Variants in IDO2 observed in about 807,000 individuals in gnomAD.
The protein encoded by IDO2 is indoleamine 2,3-dioxygenase-like 1 protein.
In IDO2, 46 loss-of-function variants were observed where a neutral mutation model predicts 45.1. That is an observed-to-expected ratio of 1.02 (90% CI 0.80 to 1.30). The LOEUF (loss-of-function observed/expected upper bound fraction) is 1.30. Ranked by LOEUF, IDO2 falls within the 50% of genes most tolerant of loss-of-function variation. IDO2 has a pLI of 0.00. For missense variants in IDO2, 544 were observed against 491.8 expected (o/e 1.11, Z -1.00); for synonymous variants, 218 against 184.9 (o/e 1.18, Z -1.45).
intron 7 of IDO2, among the ~76,000 whole-genome samples, chr8:39,988,522 C>T (rs1326428337): frequency 2.6e-5 from 4 of 152,188 alleles, no homozygotes; most frequent in African/African-American, 9.7e-5. Context: ...ATCTCCACCT[C>T]CCAGGTTCAA....
exon 9 of IDO2, chr8:40,005,364 G>T (rs1802205223): frequency 1.3e-6 from 2 of 1,570,474 alleles, no homozygotes; most frequent in African/African-American, 1.3e-5. Flanking sequence ...CAGGCATCCG[G>T]ATCTTTCTCT....
intron 1 of IDO2, among the ~76,000 whole-genome samples, chr8:39,944,578 T>C (rs1336092801): frequency 2.6e-5 from 4 of 152,198 alleles, no homozygotes; most frequent in Non-Finnish European, 5.9e-5. Context: ...GGTAAGATAC[T>C]GTGGCAAGCT....
intron 3 of IDO2, among the ~76,000 whole-genome samples, chr8:39,966,026 C>CTTTTTTT (rs59731560): frequency 5.1e-4 from 49 of 96,540 alleles, no homozygotes; most frequent in African/African-American, 1.3e-3. Context: ...TCTATCGCTT[C>CTTTTTTT]TTTTTTTTTT....
chr8:39,944,887 G>A (rs1181462941), intron 1 of IDO2, among the ~76,000 whole-genome samples: 2 of 152,136 alleles, frequency 1.3e-5, no homozygotes, highest in Non-Finnish European at 1.5e-5. Flanking sequence ...TGAAAGTGTG[G>A]CGTTTTTCCA....
At chr8:39,942,427 A>T (rs7828760) in intron 1 of IDO2, among the ~76,000 whole-genome samples, 63,145 of 151,958 alleles carry the variant, frequency 0.42, 13,304 homozygotes, top group East Asian at 0.59. Context: ...GCAGATCACC[A>T]GAGGTCAGGA....
intron 9 of IDO2, among the ~76,000 whole-genome samples, chr8:40,009,059 G>T (rs889521177): frequency 3.9e-5 from 6 of 152,006 alleles, no homozygotes; most frequent in African/African-American, 1.4e-4. Flanking sequence ...TTGTCGCCCA[G>T]GCTGGAGCGC....
chr8:39,956,353 C>A (rs1287161696), intron 2 of IDO2, among the ~76,000 whole-genome samples: 3 of 152,178 alleles, frequency 2.0e-5, no homozygotes, highest in Non-Finnish European at 4.4e-5. Flanking sequence ...TGAGCCACCA[C>A]ACGCAGCCAA....
intron 1 of IDO2, among the ~76,000 whole-genome samples, chr8:39,942,412 G>A (rs1164357650): frequency 6.6e-6 from 1 of 152,176 alleles, no homozygotes; most frequent in African/African-American, 2.4e-5. Context: ...GGGAGGTTGA[G>A]GCAGGCAGAT....
chr8:39,955,073 TAC>T (rs1304772005), intron 2 of IDO2, among the ~76,000 whole-genome samples: 1 of 151,048 alleles, frequency 6.6e-6, no homozygotes, highest in Non-Finnish European at 1.5e-5. Context: ...TATCTCCAAA[TAC>T]AGTTATATTT....
At position 39,994,400 on chromosome 8, in the gene IDO2, G is replaced by A. The variant is rs1025029346; in HGVS notation, c.667+4562G>A. 1.3e-4 allele frequency among the ~76,000 whole-genome samples: 20 copies of A among 152,072 alleles called. No homozygotes were observed. In the East Asian group the frequency reaches 3.7e-3, roughly 28 times the overall value. On this transcript the variant is annotated intron_variant, in intron 8 of 10. Coordinates refer to ENST00000502986, the Ensembl canonical transcript of IDO2. ...AGCCTCCCTAGTAGCTGGGATTATA[G>A]GCGTGTGCCACCACACCCGGCTGAT... is the stretch of plus-strand genomic sequence containing the variant.
At chr8:39,989,897 G>C (rs1025734036) in intron 8 of IDO2, 59 bp downstream of exon 8, 1 of 1,158,616 alleles carries the variant, frequency 8.6e-7, no homozygotes, top group Non-Finnish European at 1.2e-6. Flanking sequence ...CTGCTTAGGG[G>C]AAGAGGGCCT....
chr8:40,013,362 G>A (rs965407078), intron 9 of IDO2, among the ~76,000 whole-genome samples: 2 of 152,066 alleles, frequency 1.3e-5, no homozygotes, highest in African/African-American at 2.4e-5. Context: ...AGGAAGAAAA[G>A]GGCTGTGATT....
Position 39,985,390 on chromosome 8 carries a change from GTGTGCATGCCT to G in IDO2, c.435-117_435-107del. Reference sequence around the variant, plus strand: ...TGTGCCTGCAGTGCCTTGCACACAAGTGTGCATGCCTGTGGACATGTGACCCTAGAAGTTAT... The same window carrying G: ...TGTGCCTGCAGTGCCTTGCACACAAGGTGGACATGTGACCCTAGAAGTTAT... On this transcript the variant is annotated intron_variant, in intron 5 of 10. Coordinates refer to ENST00000502986, the Ensembl canonical transcript of IDO2. The G allele has an allele frequency of 1.4e-5, 12 of 844,694 alleles. 1 individual carries two copies. The South Asian group carries it at 1.9e-4, about 14-fold the overall frequency. 52.3% of individuals were successfully genotyped at this position (844,694 alleles called of 1,614,324 possible). A position where few individuals can be genotyped will look rare whatever the true frequency, so the allele number is the denominator to read the frequency against.
chr8:39,993,434 G>A (rs1376423659), intron 8 of IDO2, among the ~76,000 whole-genome samples: 2 of 152,146 alleles, frequency 1.3e-5, no homozygotes, highest in African/African-American at 4.8e-5. Flanking sequence ...TCTTTTAGCA[G>A]TAATGAGGAG....
intron 3 of IDO2, among the ~76,000 whole-genome samples, chr8:39,974,518 C>T (rs1317213061): frequency 6.6e-6 from 1 of 152,212 alleles, no homozygotes; most frequent in Non-Finnish European, 1.5e-5. Flanking sequence ...CACGGTGGCT[C>T]ACGCCTGTAA....
intron 9 of IDO2, among the ~76,000 whole-genome samples, chr8:40,007,444 G>T (rs903919045): frequency 2.6e-5 from 4 of 152,114 alleles, no homozygotes; most frequent in African/African-American, 4.8e-5. Flanking sequence ...AGAGTAATGG[G>T]TGTATGGTTT....
intron 2 of IDO2, among the ~76,000 whole-genome samples, chr8:39,953,744 T>G (rs1807846478): frequency 6.6e-6 from 1 of 152,138 alleles, no homozygotes; most frequent in African/African-American, 2.4e-5. Flanking sequence ...TTTTTGTATT[T>G]TTAGTAGACG....
chr8:40,007,573 T>A (rs1016269958), intron 9 of IDO2, among the ~76,000 whole-genome samples: 1 of 152,198 alleles, frequency 6.6e-6, no homozygotes, highest in Non-Finnish European at 1.5e-5. Context: ...GGACCATTTT[T>A]AAAAATTTCA....
intron 7 of IDO2, 37 bp from the exon 8 acceptor site, chr8:39,989,684 A>T: frequency 2.2e-6 from 3 of 1,376,398 alleles, no homozygotes; most frequent in Non-Finnish European, 3.0e-6. Flanking sequence ...ACTTTAAGGG[A>T]GTGCTAATAA....
Sources: allele counts gnomAD v4.1 joint callset (sites outside exome capture counted in the v4.1 genomes callset), GRCh38; gene constraint gnomAD v4.1.1; transcripts MANE v1.5; gene names NCBI Gene and HGNC (gene_info 2026-07-23, HGNC 2026-07-21).